The following MACROD2 variants were observed in gnomAD, a reference collection of about 807,000 sequenced individuals.
MACROD2 encodes ADP-ribose glycohydrolase MACROD2.
In MACROD2, 36 loss-of-function variants were observed where a neutral mutation model predicts 70.4. That is an observed-to-expected ratio of 0.51 (90% CI 0.39 to 0.68). The LOEUF (loss-of-function observed/expected upper bound fraction) is 0.68. Ranked by LOEUF, MACROD2 falls within the 30% of genes least tolerant of loss-of-function variation. The pLI is 0.00. For synonymous variants in MACROD2, 172 were observed against 178.8 expected (o/e 0.96, Z 0.30); for missense variants, 496 against 538.4 (o/e 0.92, Z 0.78).
At chr20:14,273,607 A>C (rs1188965176) in intron 3 of MACROD2, among the ~76,000 whole-genome samples, 1 of 147,526 alleles carries the variant, frequency 6.8e-6, no homozygotes, top group African/African-American at 2.5e-5. Context: ...GAGCAAACAC[A>C]TTCAAAAGCT....
intron 3 of MACROD2, among the ~76,000 whole-genome samples, chr20:14,120,890 C>T (rs1817444672): frequency 6.6e-6 from 1 of 150,732 alleles, no homozygotes; most frequent in Non-Finnish European, 1.5e-5. Flanking sequence ...GGGAACAACA[C>T]ACACCAGGGC....
chr20:15,528,856 A>G (rs771489677), intron 8 of MACROD2, among the ~76,000 whole-genome samples: 9 of 151,702 alleles, frequency 5.9e-5, no homozygotes, highest in Non-Finnish European at 1.2e-4. Flanking sequence ...TTGAGTCACC[A>G]TTTCTCTGAA....
At position 15,322,564 on chromosome 20, in the gene MACROD2, C is replaced by T. The variant is rs1014344749; in HGVS notation, c.540+92503C>T. 2.3e-4 allele frequency among the ~76,000 whole-genome samples: 33 copies of T among 144,402 alleles called. 6 individuals carry two copies. Among genetic ancestry groups the T allele is most frequent in the African/African-American group, 7.9e-4 (32 of 40,484 alleles). 94.7% of individuals were successfully genotyped at this position (144,402 alleles called of 152,430 possible). A position where few individuals can be genotyped will look rare whatever the true frequency, so the allele number is the denominator to read the frequency against. On this transcript the variant is annotated intron_variant, in intron 6 of 17. Transcript: ENST00000684519. ...GAATGGATGAAAACCAAAATTCGTA[C>T]TCTCCCCCGCTCAACTATTTAGCCT...
rs542005373 is a variant in MACROD2, at chr20:14,327,037, C to T, written c.272-166442C>T. 6.8e-6 allele frequency: 11 copies of T among 1,613,664 alleles called. 1 individual carries two copies. Among genetic ancestry groups the T allele is most frequent in the South Asian group, 3.3e-5 (3 of 91,066 alleles). On this transcript the variant is annotated intron_variant, in intron 3 of 17. Transcript: ENST00000684519. ...GTGATTACGGGACAGGAAAAGCAGT[C>T]GGAGATAGTTGCTGTCTCGGAATGC...
chr20:16,012,409 C>G (rs897277737), intron 15 of MACROD2, among the ~76,000 whole-genome samples: 5 of 152,138 alleles, frequency 3.3e-5, no homozygotes, highest in African/African-American at 1.2e-4. Context: ...CCACTTAGGC[C>G]ATACTCCCGA....
intron 3 of MACROD2, among the ~76,000 whole-genome samples, chr20:14,378,157 C>A (rs2083390138): frequency 2.0e-5 from 3 of 152,100 alleles, no homozygotes; most frequent in African/African-American, 7.2e-5. Context: ...AGCGTGGGAC[C>A]TGAGAATTTG....
At chr20:15,035,786 A>G (rs187748337) in intron 5 of MACROD2, among the ~76,000 whole-genome samples, 22 of 152,072 alleles carry the variant, frequency 1.4e-4, no homozygotes, top group African/African-American at 4.8e-4. Context: ...TCTCTCCCCA[A>G]CTTGGGGCCT....
At chr20:15,195,445 A>G (rs1422914828) in intron 5 of MACROD2, among the ~76,000 whole-genome samples, 2 of 152,206 alleles carry the variant, frequency 1.3e-5, no homozygotes, top group South Asian at 2.1e-4. Context: ...ACCTCTCAAA[A>G]GAAGACATAC....
intron 2 of MACROD2, among the ~76,000 whole-genome samples, chr20:14,013,277 T>C (rs2052939548): frequency 6.7e-6 from 1 of 150,374 alleles, no homozygotes; most frequent in Admixed American, 6.6e-5. Flanking sequence ...TACTTTCTTT[T>C]TTTTTTTTTT....
Position 15,967,596 on chromosome 20 carries a change from A to G in MACROD2, c.951A>G (p.Thr317=). The stretch of plus-strand genomic sequence containing the variant: ...ATATTACAAAAGGCGGTGAAGTGAC[A>G]GATCATTCTGTGCGTGACCAAGATC... The part of the protein sequence containing the change: ...DENITKGGEV[T]DHSVRDQDHP... The change falls in exon 13 of 18, where the codon ACA becomes ACG. Residue 317 remains threonine, a synonymous_variant. Coordinates refer to ENST00000684519, the MANE Select transcript of MACROD2 (RefSeq NM_001351661.2). 3.7e-6 allele frequency: 6 copies of G among 1,611,628 alleles called. No homozygotes were observed. The highest frequency in any genetic ancestry group is 5.1e-6 in the Non-Finnish European group (6 of 1,178,956).
At chr20:15,639,503 T>A (rs1487278172) in intron 8 of MACROD2, among the ~76,000 whole-genome samples, 3 of 152,196 alleles carry the variant, frequency 2.0e-5, no homozygotes, top group Non-Finnish European at 4.4e-5. Flanking sequence ...CTGGCCCTGA[T>A]GGAGCCATTT....
In MACROD2 at chr20:14,051,101, A is replaced by G. The variant is rs73612330; in HGVS notation, c.164-34520A>G. The stretch of plus-strand genomic sequence containing the variant: ...GTGAGAACAGTATGCATAGTATGGT[A>G]TTTGTGGTTAAAATCTATATGCATG... On this transcript the variant is annotated intron_variant, in intron 2 of 17. Transcript: ENST00000684519. Among the ~76,000 whole-genome samples the G allele has an allele frequency of 1.4e-4, 21 of 152,346 alleles. No homozygotes were observed. The East Asian group carries it at 2.7e-3, about 20-fold the overall frequency.
intron 3 of MACROD2, among the ~76,000 whole-genome samples, chr20:14,255,897 G>A (rs977605981): frequency 1.3e-5 from 2 of 151,580 alleles, no homozygotes; most frequent in African/African-American, 4.8e-5. Context: ...TTTATGAAGG[G>A]CCTAGATGTT....
At chr20:14,883,598 A>T (rs28583400) in intron 5 of MACROD2, among the ~76,000 whole-genome samples, 1 of 1,728 alleles carries the variant, frequency 5.8e-4, no homozygotes, top group Admixed American at 4.3e-3. Flanking sequence ...TGACTCACTT[A>T]AAAAAAAAAG....
chr20:15,547,064 C>A (rs2048035140), intron 8 of MACROD2, among the ~76,000 whole-genome samples: 2 of 152,142 alleles, frequency 1.3e-5, no homozygotes, highest in Admixed American at 1.3e-4. Context: ...AGAGAGATCA[C>A]CTGCCCCAAT....
At chr20:14,442,711 A>G (rs893105172) in intron 3 of MACROD2, among the ~76,000 whole-genome samples, 2 of 152,090 alleles carry the variant, frequency 1.3e-5, no homozygotes, top group Non-Finnish European at 2.9e-5. Flanking sequence ...TCAACAGACT[A>G]TAACCTGGCC....
chr20:14,540,518 A>G (rs1320013528), intron 4 of MACROD2, among the ~76,000 whole-genome samples: 1 of 152,164 alleles, frequency 6.6e-6, no homozygotes, highest in Admixed American at 6.6e-5. Flanking sequence ...TCTAATTTCC[A>G]TATATTTCCT....
intron 5 of MACROD2, among the ~76,000 whole-genome samples, chr20:14,877,546 G>A (rs1742552475): frequency 6.6e-6 from 1 of 152,086 alleles, no homozygotes; most frequent in South Asian, 2.1e-4. Flanking sequence ...TAAGGGGAAT[G>A]CTTCCAGCTT....
rs374464781 is a variant in MACROD2 at position 14,322,175 on chromosome 20, A to AATATATATATATAT, written c.272-171291_272-171278dup. Among the ~76,000 whole-genome samples the AATATATATATATAT allele has an allele frequency of 3.8e-3, 255 of 66,358 alleles. 18 individuals carry two copies. Among genetic ancestry groups the AATATATATATATAT allele is most frequent in the Middle Eastern group, 0.018 (2 of 112 alleles). The allele number at this position is 66,358 out of a possible 152,430, so 43.5% of individuals were successfully genotyped here. A position where few individuals can be genotyped will look rare whatever the true frequency, so the allele number is the denominator to read the frequency against. ...GACTTGTATCTTGATATTCTATTGA[A>AATATATATATATAT]ATATATATATATATATATATATATA... is the stretch of plus-strand genomic sequence containing the variant. On this transcript the variant is annotated intron_variant, in intron 3 of 17. Transcript: ENST00000684519.
Sources: allele counts gnomAD v4.1 joint callset (sites outside exome capture counted in the v4.1 genomes callset), GRCh38; gene constraint gnomAD v4.1.1; transcripts MANE v1.5; gene names NCBI Gene and HGNC (gene_info 2026-07-23, HGNC 2026-07-21).